SLC24A2: variants seen among roughly 807,000 people sequenced by gnomAD.
SLC24A2 encodes the protein sodium/potassium/calcium exchanger 2.
SLC24A2 carries 36 observed loss-of-function variants against 62.0 expected under a neutral mutation model. The observed-to-expected ratio is 0.58, with a 90% CI of 0.44 to 0.77. The LOEUF (loss-of-function observed/expected upper bound fraction) is 0.77. Among genes scored for constraint, SLC24A2 ranks in the 30% least tolerant of loss-of-function variants. The pLI, the probability that SLC24A2 is intolerant of heterozygous loss-of-function variation, is 0.00. For synonymous variants in SLC24A2, 358 were observed against 294.0 expected, an observed-to-expected ratio of 1.22 and a Z score of -2.23; for missense variants, 846 against 817.9, an observed-to-expected ratio of 1.03 and a Z score of -0.42.
chr9:20,202,713 CGGATATATTGCTG>C, the SLC24A2 span, among the ~76,000 whole-genome samples: 1 of 151,842 alleles, frequency 6.6e-6, no homozygotes, highest in Non-Finnish European at 1.5e-5. Context: ...AAAGGCAAGT[CGGATATATTGCTG>C]GATTACAGAA....
chr9:19,773,462 A>C (rs1168222168), intron 2 of SLC24A2, among the ~76,000 whole-genome samples: 1 of 152,192 alleles, frequency 6.6e-6, no homozygotes, highest in Non-Finnish European at 1.5e-5. Flanking sequence ...CACACTTGCA[A>C]CCTGAGGGGA....
At position 19,554,026 on chromosome 9, in the gene SLC24A2, T is replaced by C. The variant is rs183079522; in HGVS notation, c.1348-3758A>G. On this transcript the variant is annotated intron_variant, in intron 7 of 10. Transcript: ENST00000341998. Reference sequence around the variant, plus strand: ...CCTCAGAATGTGACTTATTTGGAGATAGGATCTTCAAAGAGGTAATTAAGT... The same window carrying C: ...CCTCAGAATGTGACTTATTTGGAGACAGGATCTTCAAAGAGGTAATTAAGT... Among the ~76,000 whole-genome samples, 3 of 152,254 alleles carry C rather than the reference T, an allele frequency of 2.0e-5. No homozygotes were observed. The East Asian group carries it at 5.8e-4, about 29-fold the overall frequency.
At chr9:19,891,882 C>T in the SLC24A2 span, among the ~76,000 whole-genome samples, 2 of 152,176 alleles carry the variant, frequency 1.3e-5, no homozygotes. Context: ...CAAACACCTC[C>T]CATTAGGCCT....
chr9:19,545,916 C>T (rs180855084), intron 8 of SLC24A2, among the ~76,000 whole-genome samples: 87 of 152,296 alleles, frequency 5.7e-4, no homozygotes, highest in African/African-American at 1.9e-3. Flanking sequence ...GGATTACAGC[C>T]GTGAGCCACT....
chr9:20,009,613 G>C, the SLC24A2 span, among the ~76,000 whole-genome samples: 1 of 152,102 alleles, frequency 6.6e-6, no homozygotes, highest in Non-Finnish European at 1.5e-5. Context: ...TCTTCCCTAG[G>C]TCGAGAGGCA....
At chr9:20,062,513 C>A in the SLC24A2 span, among the ~76,000 whole-genome samples, 2 of 96,472 alleles carry the variant, frequency 2.1e-5, 1 homozygote, top group Non-Finnish European at 4.0e-5. Flanking sequence ...AAGACTTAAA[C>A]GTTAGACCTA....
At chr9:20,248,221 C>A in the SLC24A2 span, among the ~76,000 whole-genome samples, 1 of 152,128 alleles carries the variant, frequency 6.6e-6, no homozygotes, top group African/African-American at 2.4e-5. Context: ...GCAAGGAACC[C>A]GTATGGGAGC....
the SLC24A2 span, among the ~76,000 whole-genome samples, chr9:20,067,474 T>C: frequency 6.6e-6 from 1 of 152,166 alleles, no homozygotes; most frequent in African/African-American, 2.4e-5. Flanking sequence ...GTTTCTTACA[T>C]GGGTATGCTC....
At chr9:20,131,158 C>T in the SLC24A2 span, among the ~76,000 whole-genome samples, 44 of 152,242 alleles carry the variant, frequency 2.9e-4, no homozygotes, top group African/African-American at 9.1e-4. Flanking sequence ...AAGCAATACG[C>T]GCCCTGTGCA....
chr9:19,517,221 C>T (rs1200811473), intron 10 of SLC24A2, among the ~76,000 whole-genome samples: 1 of 152,094 alleles, frequency 6.6e-6, no homozygotes, highest in African/African-American at 2.4e-5. Context: ...GCTGGAAGTG[C>T]AAGGCTCAGG....
At chr9:19,923,203 G>A in the SLC24A2 span, among the ~76,000 whole-genome samples, 2 of 151,998 alleles carry the variant, frequency 1.3e-5, no homozygotes, top group Admixed American at 1.3e-4. Context: ...CCTTTAGACT[G>A]TTAGAATGTT....
intron 2 of SLC24A2, among the ~76,000 whole-genome samples, chr9:19,696,029 G>C (rs1467244428): frequency 2.6e-5 from 4 of 152,158 alleles, no homozygotes; most frequent in Non-Finnish European, 5.9e-5. Flanking sequence ...CACAGCAGGA[G>C]GTGGGCAAAG....
the SLC24A2 span, among the ~76,000 whole-genome samples, chr9:20,016,989 T>C: frequency 6.6e-6 from 1 of 152,210 alleles, no homozygotes; most frequent in African/African-American, 2.4e-5. Flanking sequence ...AAGGGCATAG[T>C]TGCTAAATAA....
the SLC24A2 span, among the ~76,000 whole-genome samples, chr9:20,260,631 A>G: frequency 3.3e-5 from 5 of 151,814 alleles, no homozygotes; most frequent in African/African-American, 4.8e-5. Context: ...CCTTTTTTCC[A>G]TCTCCATTGC....
the SLC24A2 span, among the ~76,000 whole-genome samples, chr9:20,102,541 T>G: frequency 6.6e-6 from 1 of 151,878 alleles, no homozygotes; most frequent in East Asian, 1.9e-4. Flanking sequence ...ATACCTAATG[T>G]AGATGACGGG....
At chr9:19,793,765 C>G (rs894486980), upstream of SLC24A2, among the ~76,000 whole-genome samples, 10 of 152,136 alleles carry the variant, frequency 6.6e-5, no homozygotes, top group Non-Finnish European at 7.4e-5. Flanking sequence ...TAGTCCCTGC[C>G]TAACTAAGAA....
At chr9:19,772,409 T>A (rs921907201) in intron 2 of SLC24A2, among the ~76,000 whole-genome samples, 3 of 152,228 alleles carry the variant, frequency 2.0e-5, no homozygotes, top group Admixed American at 6.5e-5. Context: ...TAGGAGCTGC[T>A]GTATCTATGG....
At chr9:20,141,903 C>A in the SLC24A2 span, among the ~76,000 whole-genome samples, 15 of 152,224 alleles carry the variant, frequency 9.9e-5, no homozygotes, top group South Asian at 3.1e-3. Context: ...GCCAACATGG[C>A]AAAACCCCAT....
chr9:19,961,150 AG>A, the SLC24A2 span, among the ~76,000 whole-genome samples: 10 of 151,292 alleles, frequency 6.6e-5, no homozygotes, highest in South Asian at 1.9e-3. Context: ...GGAGAGAGAG[AG>A]AGAGAGAGAG....
Sources: allele counts gnomAD v4.1 joint callset (sites outside exome capture counted in the v4.1 genomes callset), GRCh38; gene constraint gnomAD v4.1.1; transcripts MANE v1.5; gene names NCBI Gene and HGNC (gene_info 2026-07-23, HGNC 2026-07-21).